Variants in SLC16A7 observed in about 807,000 individuals in gnomAD.
SLC16A7 encodes the protein solute carrier family 16 member 7, also known as monocarboxylate transporter 2.
In SLC16A7, 33 loss-of-function variants were observed where a neutral mutation model predicts 34.9. That is an observed-to-expected ratio of 0.94 (90% CI 0.72 to 1.26). The LOEUF is 1.26. Ranked by LOEUF, SLC16A7 falls within the 50% of genes most tolerant of loss-of-function variation. The pLI is 0.00. For missense variants in SLC16A7, 573 were observed against 578.1 expected (o/e 0.99, Z 0.09); for synonymous variants, 201 against 206.6 (o/e 0.97, Z 0.23).
chr12:59,779,374 A>G, intron 5 of SLC16A7, 49 bp from the exon 6 acceptor site: 1 of 1,374,720 alleles, frequency 7.3e-7, no homozygotes, highest in Non-Finnish European at 1.0e-6. Context: ...TTTTATCATT[A>G]TATGACTGTT....
chr12:59,625,601 A>G (rs1022580953), intron 1 of SLC16A7, among the ~76,000 whole-genome samples: 1 of 151,844 alleles, frequency 6.6e-6, no homozygotes, highest in African/African-American at 2.4e-5. Context: ...AGTTGTAGTG[A>G]GGAATAAATG....
In SLC16A7 at chr12:59,749,684, C is replaced by T. The variant is rs186468298; in HGVS notation, c.218-21535C>T. Among the ~76,000 whole-genome samples the T allele has an allele frequency of 8.0e-4, 122 of 152,256 alleles. 1 individual carries two copies. Among genetic ancestry groups the T allele is most frequent in the Middle Eastern group, 6.8e-3 (2 of 294 alleles). ...TTGTTATAGAAAAAGCCATGAAAGT[C>T]GCCAAGCTTGAAGCAATAAATTTCT... On this transcript the variant is annotated intron_variant, in intron 3 of 5. Transcript: ENST00000547379.
At chr12:59,778,869 A>T (rs549612951) in intron 5 of SLC16A7, among the ~76,000 whole-genome samples, 1 of 152,236 alleles carries the variant, frequency 6.6e-6, no homozygotes, top group South Asian at 2.1e-4. Flanking sequence ...TGCCCAGATT[A>T]CTTCACAGTA....
At chr12:59,715,695 C>T (rs768564294) in intron 3 of SLC16A7, among the ~76,000 whole-genome samples, 17 of 152,128 alleles carry the variant, frequency 1.1e-4, no homozygotes, top group African/African-American at 3.9e-4. Flanking sequence ...TGCAAAAGAA[C>T]TGAGAGTATT....
chr12:59,649,579 G>A (rs898383447), intron 1 of SLC16A7, among the ~76,000 whole-genome samples: 1 of 152,160 alleles, frequency 6.6e-6, no homozygotes, highest in Admixed American at 6.6e-5. Context: ...TTGTTGGTCA[G>A]ATCAGTGGAA....
rs755079825 is a variant in SLC16A7 at position 59,779,704 on chromosome 12, T to G, written c.*25T>G. The G allele has an allele frequency of 8.9e-6, 14 of 1,565,254 alleles. No individual in the cohort carries two copies. Among genetic ancestry groups the G allele is most frequent in the Non-Finnish European group, 1.1e-5 (13 of 1,151,104 alleles). ...ACAAGAATCACATCTCTGATTTCAG[T>G]GTTTATGACTTTATCTAGGAGTTTG... On this transcript the variant is annotated 3_prime_UTR_variant, in exon 6 of 6. Coordinates refer to ENST00000547379, the MANE Select transcript of SLC16A7 (RefSeq NM_001270623.2).
rs573092959 is a variant in SLC16A7, at chr12:59,763,599, C to A, written c.218-7620C>A. On this transcript the variant is annotated intron_variant, in intron 3 of 5. Transcript: ENST00000547379. ...TTTTTATCATTTAGAGGCAAAAAAT[C>A]AAAAAATTAAAATACAGGTATACTT... is the stretch of plus-strand genomic sequence containing the variant. Among the ~76,000 whole-genome samples the A allele has an allele frequency of 5.3e-5, 8 of 152,088 alleles. No individual in the cohort carries two copies. The East Asian group carries it at 9.7e-4, about 18-fold the overall frequency.
chr12:59,724,983 A>T (rs920796889), intron 3 of SLC16A7, among the ~76,000 whole-genome samples: 4 of 151,904 alleles, frequency 2.6e-5, no homozygotes, highest in Non-Finnish European at 5.9e-5. Context: ...CACGTAATGC[A>T]TGCTCAAAAA....
intron 2 of SLC16A7, among the ~76,000 whole-genome samples, chr12:59,701,763 T>C (rs975439737): frequency 5.3e-5 from 8 of 151,824 alleles, no homozygotes; most frequent in Non-Finnish European, 1.0e-4. Context: ...CAAATTATAA[T>C]ATTTGTATTG....
At chr12:59,634,207 C>T (rs752038807) in intron 1 of SLC16A7, among the ~76,000 whole-genome samples, 6 of 152,092 alleles carry the variant, frequency 3.9e-5, no homozygotes, top group Non-Finnish European at 4.4e-5. Flanking sequence ...AGAGTACCTC[C>T]AGGTGGTAGC....
chr12:59,608,944 T>G (rs1317920653), intron 1 of SLC16A7, among the ~76,000 whole-genome samples: 1 of 152,212 alleles, frequency 6.6e-6, no homozygotes. Flanking sequence ...ACTTCAGTAT[T>G]TATGATCAAA....
chr12:59,778,467 A>G (rs931014882), intron 5 of SLC16A7, among the ~76,000 whole-genome samples: 2 of 152,154 alleles, frequency 1.3e-5, no homozygotes, highest in African/African-American at 4.8e-5. Flanking sequence ...TGTATATCAG[A>G]ATCACTTGGA....
intron 1 of SLC16A7, among the ~76,000 whole-genome samples, chr12:59,602,069 G>A (rs1878710827): frequency 6.6e-6 from 1 of 152,164 alleles, no homozygotes. Context: ...CCATATGGTT[G>A]AAAACTGTCA....
chr12:59,678,017 C>T (rs1370197985), intron 2 of SLC16A7, among the ~76,000 whole-genome samples: 1 of 152,200 alleles, frequency 6.6e-6, no homozygotes, highest in Non-Finnish European at 1.5e-5. Flanking sequence ...CTGAATATCA[C>T]ACCTGCCAAG....
At position 59,782,287 on chromosome 12, in the gene SLC16A7, A is replaced by G. The variant is rs1883305566; in HGVS notation, c.*2608A>G. 1 of 152,180 alleles carries G rather than the reference A, an allele frequency of 6.6e-6. No individual in the cohort carries two copies. 9.4% of individuals were successfully genotyped at this position (152,180 alleles called of 1,614,324 possible). On this transcript the variant is annotated 3_prime_UTR_variant, in exon 6 of 6. Transcript: ENST00000547379. ...GAATTGTTCCAGGGTAATATAAATT[A>G]TTCTACTTGTTCACTCTCCCCACCC...
chr12:59,694,507 T>C (rs1379780894), intron 2 of SLC16A7, among the ~76,000 whole-genome samples: 2 of 151,978 alleles, frequency 1.3e-5, no homozygotes, highest in Non-Finnish European at 2.9e-5. Flanking sequence ...CTGCCTTCTT[T>C]ATTATTGTTA....
chr12:59,628,646 G>T (rs1300057008), intron 1 of SLC16A7, among the ~76,000 whole-genome samples: 1 of 151,786 alleles, frequency 6.6e-6, no homozygotes, highest in Admixed American at 6.6e-5. Flanking sequence ...CTTTGTGTGT[G>T]TGTAAGTGTG....
At chr12:59,735,998 T>C in intron 3 of SLC16A7, 1 of 858,622 alleles carries the variant, frequency 1.2e-6, no homozygotes, top group Non-Finnish European at 1.6e-6. Context: ...GGTAACAAGA[T>C]TTTGGTAGAA....
intron 1 of SLC16A7, among the ~76,000 whole-genome samples, chr12:59,623,067 T>A (rs1257749112): frequency 6.6e-6 from 1 of 151,022 alleles, no homozygotes; most frequent in East Asian, 2.0e-4. Context: ...TGTGTGTGTG[T>A]GTGTGTGTGT....
Sources: gnomAD v4.1 joint callset for allele counts (sites outside exome capture counted in the v4.1 genomes callset) on GRCh38, gnomAD v4.1.1 for gene constraint, MANE v1.5 for transcripts, NCBI Gene and HGNC (gene_info 2026-07-23, HGNC 2026-07-21) for gene names.